The following PRKN variants were observed in gnomAD, a reference collection of about 807,000 sequenced individuals.
The protein encoded by PRKN is parkin RBR E3 ubiquitin protein ligase.
Under a neutral mutation model 59.5 loss-of-function variants are expected in PRKN, and 56 were observed. That is an observed-to-expected ratio of 0.94 (90% CI 0.76 to 1.18). The LOEUF is 1.18. Ranked by LOEUF, PRKN falls within the 50% of genes most tolerant of loss-of-function variation. The pLI is 0.00. For synonymous variants in PRKN, 250 were observed against 222.1 expected (o/e 1.13, Z -1.12); for missense variants, 657 against 596.4 (o/e 1.10, Z -1.06).
At chr6:162,472,117 C>A (rs959840096) in intron 1 of PRKN, among the ~76,000 whole-genome samples, 2 of 152,150 alleles carry the variant, frequency 1.3e-5, no homozygotes, top group Non-Finnish European at 2.9e-5. Flanking sequence ...GGAAGATACA[C>A]TTAATGAATC....
At position 161,390,960 on chromosome 6, in the gene PRKN, G is replaced by A. The variant is rs757762533; in HGVS notation, c.1084-4083C>T. Among the ~76,000 whole-genome samples the A allele has an allele frequency of 1.4e-4, 21 of 152,092 alleles. No homozygotes were observed. Among genetic ancestry groups the A allele is most frequent in the Admixed American group, 2.6e-4 (4 of 15,270 alleles). On this transcript the variant is annotated intron_variant, in intron 9 of 11. Coordinates refer to ENST00000366898, the MANE Select transcript of PRKN (RefSeq NM_004562.3). This position sits in a 1 kb window ranked among gnomAD's most constrained non-coding sequence, Gnocchi z 7.0. ...GCATTTCTTTTGGCCTAGAAATACC[G>A]TGAAAAATGTACTGAACCGCTAAGG...
At chr6:161,863,743 C>T (rs1204705871) in intron 6 of PRKN, among the ~76,000 whole-genome samples, 3 of 152,114 alleles carry the variant, frequency 2.0e-5, no homozygotes, top group Non-Finnish European at 4.4e-5. Context: ...ACTTTTAACA[C>T]TTTAAGGTAT....
At position 161,800,768 on chromosome 6, in the gene PRKN, T is replaced by C. The variant is rs888921821; in HGVS notation, c.735-14860A>G. 3.9e-5 allele frequency among the ~76,000 whole-genome samples: 6 copies of C among 152,326 alleles called. No individual in the cohort carries two copies. In the East Asian group the frequency reaches 9.7e-4, roughly 25 times the overall value. ...ATTTAGGAACTAAAATTGTCAAGATTCAGAGACTCATTAACCAGAGTCAGA... is the reference window on the plus strand; with the variant it reads ...ATTTAGGAACTAAAATTGTCAAGATCCAGAGACTCATTAACCAGAGTCAGA... On this transcript the variant is annotated intron_variant, in intron 6 of 11. Coordinates refer to ENST00000366898, the MANE Select transcript of PRKN (RefSeq NM_004562.3).
rs533630379 is a variant in PRKN, at chr6:161,355,162, C to T, written c.1285+4926G>A. Reference sequence around the variant, plus strand: ...CAGGGGCTGCCTCCGCACACCGGCGCGCGCACACCCGGTGTCTTTGCTCAT... The same window carrying T: ...CAGGGGCTGCCTCCGCACACCGGCGTGCGCACACCCGGTGTCTTTGCTCAT... On this transcript the variant is annotated intron_variant, in intron 11 of 11. Coordinates refer to ENST00000366898, the MANE Select transcript of PRKN (RefSeq NM_004562.3). This position sits in a 1 kb window ranked among gnomAD's most constrained non-coding sequence, Gnocchi z 6.8. 1.9e-4 allele frequency among the ~76,000 whole-genome samples: 29 copies of T among 152,348 alleles called. No individual in the cohort carries two copies. The highest frequency in any genetic ancestry group is 7.2e-4 in the Admixed American group (11 of 15,296).
intron 2 of PRKN, among the ~76,000 whole-genome samples, chr6:162,395,576 G>A (rs1004738224): frequency 3.3e-5 from 5 of 152,138 alleles, no homozygotes; most frequent in South Asian, 2.1e-4. Flanking sequence ...CCAGACCTAC[G>A]CAAACCATGA....
Position 161,391,353 on chromosome 6 carries a change from G to C in PRKN, c.1084-4476C>G, listed in dbSNP as rs1351950361. ...GGAAGTTAGTATACCAGGAAACATG[G>C]AGTCCTGTTTATACCGTATACATTT... On this transcript the variant is annotated intron_variant, in intron 9 of 11. Coordinates refer to ENST00000366898, the MANE Select transcript of PRKN (RefSeq NM_004562.3). The surrounding 1 kb of genome is among the most constrained non-coding windows in gnomAD (Gnocchi z 4.9). Among the ~76,000 whole-genome samples the C allele has an allele frequency of 6.6e-6, 1 of 151,906 alleles. No homozygotes were observed. Among genetic ancestry groups the C allele is most frequent in the Non-Finnish European group, 1.5e-5 (1 of 68,004 alleles).
At position 161,467,480 on chromosome 6, in the gene PRKN, A is replaced by G. The variant is rs1562468115; in HGVS notation, c.1084-80603T>C. Among the ~76,000 whole-genome samples, 1 of 152,174 alleles carries G rather than the reference A, an allele frequency of 6.6e-6. No homozygotes were observed. Among genetic ancestry groups the G allele is most frequent in the East Asian group, 1.9e-4 (1 of 5,170 alleles). On this transcript the variant is annotated intron_variant, in intron 9 of 11. Coordinates refer to ENST00000366898, the MANE Select transcript of PRKN (RefSeq NM_004562.3). The surrounding 1 kb of genome is among the most constrained non-coding windows in gnomAD (Gnocchi z 4.3). Reference sequence around the variant, plus strand: ...CGAGTAAGATGGGCATTTCTCTGTAAGCATATGGTCCAATGGGGAAGACCT... The same window carrying G: ...CGAGTAAGATGGGCATTTCTCTGTAGGCATATGGTCCAATGGGGAAGACCT...
chr6:162,443,686 G>A (rs1790173427), intron 1 of PRKN, among the ~76,000 whole-genome samples: 2 of 152,150 alleles, frequency 1.3e-5, no homozygotes, highest in South Asian at 2.1e-4. Flanking sequence ...TCATATATTC[G>A]TCAGTGACCT....
At chr6:161,618,020 G>A (rs916837032) in intron 7 of PRKN, among the ~76,000 whole-genome samples, 11 of 152,312 alleles carry the variant, frequency 7.2e-5, no homozygotes, top group African/African-American at 1.9e-4. Flanking sequence ...ACACCAAACG[G>A]GTGCTGTACC....
At chr6:162,034,180 T>TAGAG (rs1417118689) in intron 5 of PRKN, among the ~76,000 whole-genome samples, 13 of 122,810 alleles carry the variant, frequency 1.1e-4, no homozygotes, top group African/African-American at 4.2e-4. Flanking sequence ...TATATATATA[T>TAGAG]ATATATAGAG....
chr6:161,701,707 G>A (rs191541678), intron 7 of PRKN, among the ~76,000 whole-genome samples: 78 of 152,180 alleles, frequency 5.1e-4, no homozygotes, highest in African/African-American at 1.8e-3. Context: ...TCTGTCCAAG[G>A]TAAATAATTA....
At position 162,054,194 on chromosome 6, in the gene PRKN, T is replaced by C. The variant is rs981392307; in HGVS notation, c.535-20A>G. On this transcript the variant is annotated intron_variant, in intron 4 of 11. Coordinates refer to ENST00000366898, the MANE Select transcript of PRKN (RefSeq NM_004562.3). ...TGGACCCTTTGGGAAAAAACAACAA[T>C]ATATGCTTATATGAGTTATAATAGA... is the stretch of plus-strand genomic sequence containing the variant. 1.5e-6 allele frequency: 2 copies of C among 1,358,112 alleles called. No individual in the cohort carries two copies. Among genetic ancestry groups the C allele is most frequent in the East Asian group, 4.6e-5 (2 of 43,708 alleles). The allele number at this position is 1,358,112 out of a possible 1,614,324, so 84.1% of individuals were successfully genotyped here. A position where few individuals can be genotyped will look rare whatever the true frequency, so the allele number is the denominator to read the frequency against.
chr6:162,603,302 G>A (rs1781781439), intron 1 of PRKN, among the ~76,000 whole-genome samples: 1 of 152,072 alleles, frequency 6.6e-6, no homozygotes, highest in African/African-American at 2.4e-5. Context: ...TAGTCCTCAG[G>A]CCTTAACTAC....
At chr6:161,939,622 C>A (rs1779484059) in intron 6 of PRKN, among the ~76,000 whole-genome samples, 1 of 150,586 alleles carries the variant, frequency 6.6e-6, no homozygotes, top group African/African-American at 2.5e-5. Context: ...ATCCCAGCTA[C>A]TCGGGAGGCT....
chr6:162,113,016 T>G (rs1332277496), intron 4 of PRKN, among the ~76,000 whole-genome samples: 1 of 152,190 alleles, frequency 6.6e-6, no homozygotes, highest in Non-Finnish European at 1.5e-5. Flanking sequence ...TGCAATACTT[T>G]CATTTTCATG....
rs374613865 is a variant in PRKN, at chr6:162,002,474, C to T, written c.619-29057G>A. Among the ~76,000 whole-genome samples, 17 of 152,116 alleles carry T rather than the reference C, an allele frequency of 1.1e-4. No homozygotes were observed. The East Asian group carries it at 2.1e-3, about 19-fold the overall frequency. ...ATTCCTTTATAAGCCTTTCATTGTT[C>T]ATGAGATCTATTGTGATGTTCTTTT... On this transcript the variant is annotated intron_variant, in intron 5 of 11. Coordinates refer to ENST00000366898, the MANE Select transcript of PRKN (RefSeq NM_004562.3).
At chr6:162,621,610 A>G (rs754755099) in intron 1 of PRKN, among the ~76,000 whole-genome samples, 1 of 152,234 alleles carries the variant, frequency 6.6e-6, no homozygotes, top group Non-Finnish European at 1.5e-5. Context: ...CATGTGTTAC[A>G]TAACAAATGT....
rs1029260873 is a variant in PRKN, at chr6:161,483,467, A to G, written c.1083+65387T>C. Among the ~76,000 whole-genome samples the G allele has an allele frequency of 6.6e-6, 1 of 152,218 alleles. No individual in the cohort carries two copies. The highest frequency in any genetic ancestry group is 1.5e-5 in the Non-Finnish European group (1 of 68,036). ...CTTCATGAACTTTCAGGCCTCATCT[A>G]TAAGGTCAGGAAAGGGGTCATAGCT... On this transcript the variant is annotated intron_variant, in intron 9 of 11. Coordinates refer to ENST00000366898, the MANE Select transcript of PRKN (RefSeq NM_004562.3). This position sits in a 1 kb window ranked among gnomAD's most constrained non-coding sequence, Gnocchi z 5.0.
At chr6:161,792,273 T>C (rs1790668750) in intron 6 of PRKN, among the ~76,000 whole-genome samples, 1 of 152,196 alleles carries the variant, frequency 6.6e-6, no homozygotes, top group South Asian at 2.1e-4. Flanking sequence ...ATCTAACTAA[T>C]TCAGGTTCAG....
Sources: gnomAD v4.1 joint callset for allele counts (sites outside exome capture counted in the v4.1 genomes callset) on GRCh38, gnomAD v4.1.1 for gene constraint, Gnocchi (gnomAD v3.1) non-coding constraint, MANE v1.5 for transcripts, NCBI Gene and HGNC (gene_info 2026-07-23, HGNC 2026-07-21) for gene names.